SAMD12: variants seen among roughly 807,000 people sequenced by gnomAD.
SAMD12 encodes the protein sterile alpha motif domain-containing protein 12.
Under a neutral mutation model 15.0 loss-of-function variants are expected in SAMD12, and 9 were observed. That is an observed-to-expected ratio of 0.60 (90% CI 0.36 to 1.05). SAMD12 has a LOEUF of 1.05. SAMD12 is among the 50% of genes least tolerant of loss of function. The pLI, the probability that SAMD12 is intolerant of heterozygous loss-of-function variation, is 0.01. For missense variants in SAMD12, 230 were observed against 234.2 expected (o/e 0.98, Z 0.12); for synonymous variants, 86 against 90.1 (o/e 0.96, Z 0.25).
intron 2 of SAMD12, among the ~76,000 whole-genome samples, chr8:118,521,680 G>T (rs1163272663): frequency 6.6e-6 from 1 of 150,430 alleles, no homozygotes; most frequent in African/African-American, 2.5e-5. Context: ...GGGCTGTGCT[G>T]ACGATCTCTA....
intron 4 of SAMD12, among the ~76,000 whole-genome samples, chr8:118,257,559 A>T (rs530048712): frequency 1.3e-5 from 2 of 152,098 alleles, no homozygotes; most frequent in Non-Finnish European, 1.5e-5. Context: ...ACCATACGGA[A>T]TCTGCAAGTA....
chr8:118,210,687 C>A (rs193098182), intron 4 of SAMD12, among the ~76,000 whole-genome samples: 1 of 152,324 alleles, frequency 6.6e-6, no homozygotes, highest in East Asian at 1.9e-4. Context: ...GCATTCCAGA[C>A]ACAGAAATGG....
chr8:118,374,881 C>A (rs191946344), downstream of SAMD12, among the ~76,000 whole-genome samples: 3 of 150,362 alleles, frequency 2.0e-5, no homozygotes, highest in East Asian at 5.8e-4. Context: ...TGGATATTAA[C>A]CCCTTTTCAG....
the SAMD12 span, among the ~76,000 whole-genome samples, chr8:118,138,937 TCTTCC>T: frequency 9.2e-5 from 14 of 152,324 alleles, no homozygotes; most frequent in African/African-American, 3.4e-4. Context: ...AGAGTGGCCC[TCTTCC>T]CTTCCACTTT....
chr8:118,246,955 G>C (rs1429588707), intron 4 of SAMD12, among the ~76,000 whole-genome samples: 1 of 152,086 alleles, frequency 6.6e-6, no homozygotes, highest in East Asian at 1.9e-4. Context: ...GACTGAAGAG[G>C]AGCTGGGTTT....
chr8:118,475,473 A>G (rs750921769), intron 2 of SAMD12, among the ~76,000 whole-genome samples: 5 of 152,156 alleles, frequency 3.3e-5, no homozygotes, highest in Non-Finnish European at 7.3e-5. Flanking sequence ...TCAGGTATTC[A>G]TTTATAGCAA....
chr8:118,220,764 T>TAAAAA (rs1018202584), intron 4 of SAMD12, among the ~76,000 whole-genome samples: 3 of 152,110 alleles, frequency 2.0e-5, no homozygotes, highest in Non-Finnish European at 1.5e-5. Context: ...TTACAAACAT[T>TAAAAA]AAAAACAAAA....
At chr8:118,242,116 T>C (rs1812583634) in intron 4 of SAMD12, among the ~76,000 whole-genome samples, 1 of 152,184 alleles carries the variant, frequency 6.6e-6, no homozygotes, top group Non-Finnish European at 1.5e-5. Flanking sequence ...TGTTTCGTCA[T>C]GTTGTTCAGG....
At chr8:118,191,009 G>A (rs17484663) in exon 5 of SAMD12, 1 of 152,006 alleles carries the variant, frequency 6.6e-6, no homozygotes, top group Non-Finnish European at 1.5e-5. Flanking sequence ...CTAAAATTTT[G>A]TGCAAAGCTA....
intron 2 of SAMD12, among the ~76,000 whole-genome samples, chr8:118,517,051 C>CT (rs765551566): frequency 4.8e-4 from 73 of 152,282 alleles, no homozygotes; most frequent in Admixed American, 2.2e-3. Flanking sequence ...GAGAATCTTC[C>CT]TTTTTTGGCT....
chr8:118,503,653 C>A (rs1335022935), intron 2 of SAMD12, among the ~76,000 whole-genome samples: 2 of 152,146 alleles, frequency 1.3e-5, no homozygotes, highest in African/African-American at 4.8e-5. Context: ...GGTGAGAAAC[C>A]AAGCGCCACC....
intron 4 of SAMD12, among the ~76,000 whole-genome samples, chr8:118,293,070 C>CA (rs1364689644): frequency 6.9e-6 from 1 of 145,576 alleles, no homozygotes; most frequent in Admixed American, 6.8e-5. Context: ...AACAAACAAA[C>CA]AAAAAAAATC....
chr8:118,266,716 A>G (rs1813208554), intron 4 of SAMD12, among the ~76,000 whole-genome samples: 1 of 152,164 alleles, frequency 6.6e-6, no homozygotes, highest in South Asian at 2.1e-4. Flanking sequence ...CATTGCATTA[A>G]GTAAAATAGG....
chr8:118,383,827 A>T (rs1819801392), intron 3 of SAMD12, among the ~76,000 whole-genome samples: 1 of 152,040 alleles, frequency 6.6e-6, no homozygotes, highest in South Asian at 2.1e-4. Flanking sequence ...GATCACCATT[A>T]TGTACCTGCC....
chr8:118,348,173 A>C (rs979315652), intron 4 of SAMD12, among the ~76,000 whole-genome samples: 10 of 151,886 alleles, frequency 6.6e-5, no homozygotes, highest in African/African-American at 9.7e-5. Flanking sequence ...GCCTCCCAAT[A>C]TCAAGTGATC....
At chr8:118,167,463 A>G in the SAMD12 span, among the ~76,000 whole-genome samples, 13,460 of 152,168 alleles carry the variant, frequency 0.088, 1,515 homozygotes, top group African/African-American at 0.26. Flanking sequence ...TGATCAGAAT[A>G]GATCAAGAAA....
intron 1 of SAMD12, among the ~76,000 whole-genome samples, chr8:118,596,410 C>G (rs1226715870): frequency 6.6e-6 from 1 of 152,180 alleles, no homozygotes; most frequent in African/African-American, 2.4e-5. Context: ...AACAAGCAGT[C>G]CAGCCACATG....
intron 1 of SAMD12, among the ~76,000 whole-genome samples, chr8:118,616,080 A>G (rs1326641133): frequency 6.6e-6 from 1 of 152,248 alleles, no homozygotes; most frequent in African/African-American, 2.4e-5. Flanking sequence ...TATAGAGAAC[A>G]TAATAAAAAT....
At chr8:118,416,580 C>T (rs1458226416) in intron 3 of SAMD12, among the ~76,000 whole-genome samples, 1 of 152,150 alleles carries the variant, frequency 6.6e-6, no homozygotes, top group Non-Finnish European at 1.5e-5. Flanking sequence ...AAGGAATTGT[C>T]CTACGTGAAA....
Sources: allele counts gnomAD v4.1 joint callset (sites outside exome capture counted in the v4.1 genomes callset), GRCh38; gene constraint gnomAD v4.1.1; transcripts MANE v1.5; gene names NCBI Gene and HGNC (gene_info 2026-07-23, HGNC 2026-07-21).